Variants in OXNAD1 observed in about 807,000 individuals in gnomAD.
OXNAD1 encodes the protein oxidoreductase NAD binding domain containing 1, also known as oxidoreductase NAD-binding domain-containing protein 1.
OXNAD1 carries 34 observed loss-of-function variants against 32.9 expected under a neutral mutation model. The observed-to-expected ratio is 1.03, with a 90% CI of 0.79 to 1.38. The LOEUF (loss-of-function observed/expected upper bound fraction) is 1.38, where lower values mean the gene tolerates loss of function less well. OXNAD1 is among the 40% of genes most tolerant of loss of function. The pLI is 0.00. For synonymous variants in OXNAD1, 134 were observed against 135.2 expected, an observed-to-expected ratio of 0.99 and a Z score of 0.06; for missense variants, 407 against 379.4, an observed-to-expected ratio of 1.07 and a Z score of -0.60.
Position 16,312,927 on chromosome 3 carries a change from TTATAAA to T in OXNAD1, c.*30+9339_*30+9344del, listed in dbSNP as rs1372956738. ...AACCATTGATAAATAATTTAAGACT[TTATAAA>T]TATTATTACAGTATTTCTGTTAAGA... On this transcript the variant is annotated intron_variant, in intron 9 of 9. Transcript: ENST00000435829. The surrounding 1 kb of genome is among the most constrained non-coding windows in gnomAD (Gnocchi z 4.7). Among the ~76,000 whole-genome samples, 2 of 152,196 alleles carry T rather than the reference TTATAAA, an allele frequency of 1.3e-5. 1 individual carries two copies.
At chr3:16,296,885 T>C (rs544045408) in intron 6 of OXNAD1, among the ~76,000 whole-genome samples, 1 of 152,226 alleles carries the variant, frequency 6.6e-6, no homozygotes, top group East Asian at 1.9e-4. Flanking sequence ...TAAAACATGG[T>C]ACTATAAAAG....
In OXNAD1 at chr3:16,315,336, G is replaced by A. The variant is rs563152087; in HGVS notation, c.*30+11744G>A. ...TCACCACGTTGGCCAGGCTGGTCTC[G>A]AACTCCTGACCTCAGGTGATCAGCC... On this transcript the variant is annotated intron_variant, in intron 9 of 9. Coordinates refer to the OXNAD1 transcript ENST00000435829. Among the ~76,000 whole-genome samples the A allele has an allele frequency of 7.9e-5, 12 of 152,202 alleles. No individual in the cohort carries two copies. The South Asian group carries it at 1.9e-3, about 24-fold the overall frequency.
chr3:16,331,974 A>ATC (rs1468219485), intron 9 of OXNAD1, among the ~76,000 whole-genome samples: 1 of 152,236 alleles, frequency 6.6e-6, no homozygotes, highest in Non-Finnish European at 1.5e-5. Flanking sequence ...TGCTATTGAG[A>ATC]TAATCTATTC....
chr3:16,319,438 A>G (rs186345666), intron 9 of OXNAD1, among the ~76,000 whole-genome samples: 1 of 152,214 alleles, frequency 6.6e-6, no homozygotes, highest in African/African-American at 2.4e-5. Context: ...ACTCATCTCT[A>G]AAATGGTTGT....
chr3:16,295,034 T>A lies in OXNAD1; in HGVS notation c.432+37T>A. On this transcript the variant is annotated intron_variant, in intron 6 of 8. Transcript: ENST00000285083. ...GCCTGTTTAAACGCGATGATCTGGG[T>A]ATCTCTGCCACCCACAAAATTTGTG... The A allele has an allele frequency of 5.7e-6, 9 of 1,567,180 alleles. No homozygotes were observed. In the African/African-American group the frequency reaches 6.8e-5, roughly 12 times the overall value.
At chr3:16,273,102 T>C (rs2065070053) in intron 4 of OXNAD1, among the ~76,000 whole-genome samples, 1 of 152,234 alleles carries the variant, frequency 6.6e-6, no homozygotes, top group Non-Finnish European at 1.5e-5. Context: ...TGCTAGTCCC[T>C]GAATTAGAGT....
At chr3:16,308,443 G>A, downstream of OXNAD1, among the ~76,000 whole-genome samples, 1 of 152,006 alleles carries the variant, frequency 6.6e-6, no homozygotes, top group Non-Finnish European at 1.5e-5. The surrounding 1 kb of genome is among the most constrained non-coding windows in gnomAD (Gnocchi z 4.4). Context: ...GGCATGTCTT[G>A]TTGCTCCTAT....
rs1304505302 is a variant in OXNAD1, at chr3:16,277,227, C to T, written c.183+5505C>T. On this transcript the variant is annotated intron_variant, in intron 4 of 8. Transcript: ENST00000285083. This position sits in a 1 kb window ranked among gnomAD's most constrained non-coding sequence, Gnocchi z 4.3. ...CAGGCATGAGCCACAGCTCCTGGCC[C>T]TCCTCTTCTGTTTCTAATTTCCCCT... Among the ~76,000 whole-genome samples the T allele has an allele frequency of 2.6e-5, 4 of 152,118 alleles. No individual in the cohort carries two copies. Among genetic ancestry groups the T allele is most frequent in the Non-Finnish European group, 5.9e-5 (4 of 68,020 alleles).
At chr3:16,323,462 AAC>A in intron 9 of OXNAD1, 1 of 1,609,008 alleles carries the variant, frequency 6.2e-7, no homozygotes, top group Non-Finnish European at 8.5e-7. Flanking sequence ...CCCTCGCTGT[AAC>A]ACACGGAGCT....
chr3:16,333,931 C>T (rs377404216), intron 9 of OXNAD1, among the ~76,000 whole-genome samples: 23 of 151,858 alleles, frequency 1.5e-4, no homozygotes, highest in African/African-American at 4.8e-4. Flanking sequence ...TTTGGGAGGC[C>T]GACGCGGGTA....
chr3:16,316,369 C>T lies in OXNAD1; in HGVS notation c.*30+12777C>T, dbSNP rs367603780. ...GTGGAGGAGGGCAGCTGACAGGGCT[C>T]CTGGAGTTGTTAAGTCACCAAGTAG... is the stretch of plus-strand genomic sequence containing the variant. On this transcript the variant is annotated intron_variant, in intron 9 of 9. Coordinates refer to the OXNAD1 transcript ENST00000435829. The surrounding 1 kb of genome is among the most constrained non-coding windows in gnomAD (Gnocchi z 4.5). 2 of 194,432 alleles carry T rather than the reference C, an allele frequency of 1.0e-5. No individual in the cohort carries two copies. Among genetic ancestry groups the T allele is most frequent in the East Asian group, 1.8e-4 (1 of 5,490 alleles). 12.0% of individuals were successfully genotyped at this position (194,432 alleles called of 1,614,324 possible).
downstream of OXNAD1, among the ~76,000 whole-genome samples, chr3:16,308,312 T>C (rs559251002): frequency 4.6e-5 from 7 of 152,196 alleles, no homozygotes; most frequent in South Asian, 1.2e-3. This position sits in a 1 kb window ranked among gnomAD's most constrained non-coding sequence, Gnocchi z 4.4. Context: ...TGATGGATCT[T>C]AGGGGCCCAG....
chr3:16,323,325 A>C, intron 9 of OXNAD1: 1 of 1,347,976 alleles, frequency 7.4e-7, no homozygotes, highest in Non-Finnish European at 1.1e-6. Context: ...AAATCCACTG[A>C]AGATGAAGCC....
downstream of OXNAD1, among the ~76,000 whole-genome samples, chr3:16,341,227 A>G (rs1033648739): frequency 6.6e-6 from 1 of 152,246 alleles, no homozygotes; most frequent in African/African-American, 2.4e-5. The surrounding 1 kb of genome is among the most constrained non-coding windows in gnomAD (Gnocchi z 4.7). Flanking sequence ...TAGTACAGCC[A>G]CTACAGAAGA....
rs967619031 is a variant in OXNAD1, at chr3:16,277,774, G to A, written c.183+6052G>A. On this transcript the variant is annotated intron_variant, in intron 4 of 8. Transcript: ENST00000285083. The surrounding 1 kb of genome is among the most constrained non-coding windows in gnomAD (Gnocchi z 4.3). Reference sequence around the variant, plus strand: ...CTGAATGACCATTTATGATGTTTATGCTTCTTACTTGGGACTGTAACTGTA... The same window carrying A: ...CTGAATGACCATTTATGATGTTTATACTTCTTACTTGGGACTGTAACTGTA... Among the ~76,000 whole-genome samples the A allele has an allele frequency of 5.9e-5, 9 of 152,228 alleles. No individual in the cohort carries two copies. The highest frequency in any genetic ancestry group is 2.2e-4 in the African/African-American group (9 of 41,454).
chr3:16,278,445 A>G (rs541190411), intron 4 of OXNAD1, among the ~76,000 whole-genome samples: 1 of 152,314 alleles, frequency 6.6e-6, no homozygotes, highest in South Asian at 2.1e-4. Flanking sequence ...TATTTCACAG[A>G]TGAGGGGATT....
In OXNAD1 at chr3:16,344,977, C is replaced by T. The variant is rs1559842122; in HGVS notation, c.*31-4199C>T. On this transcript the variant is annotated intron_variant, in intron 9 of 9. Coordinates refer to the OXNAD1 transcript ENST00000606098. The surrounding 1 kb of genome is among the most constrained non-coding windows in gnomAD (Gnocchi z 4.4). ...GCTCTCAAACTATGCATTTTAAGCTCTTTTAGGGGGCCACATGGAAAGCAT... is the reference window on the plus strand; with the variant it reads ...GCTCTCAAACTATGCATTTTAAGCTTTTTTAGGGGGCCACATGGAAAGCAT... The T allele has an allele frequency of 6.6e-6, 1 of 152,182 alleles. No individual in the cohort carries two copies. Among genetic ancestry groups the T allele is most frequent in the Non-Finnish European group, 1.5e-5 (1 of 68,028 alleles). The allele number at this position is 152,182 out of a possible 1,614,324, so 9.4% of individuals were successfully genotyped here. A position where few individuals can be genotyped will look rare whatever the true frequency, so the allele number is the denominator to read the frequency against.
rs2065929999 is a variant in OXNAD1 at position 16,284,192 on chromosome 3, TCA to T, written c.184-2149_184-2148del. On this transcript the variant is annotated intron_variant, in intron 4 of 8. Transcript: ENST00000285083. The surrounding 1 kb of genome is among the most constrained non-coding windows in gnomAD (Gnocchi z 4.1). The stretch of plus-strand genomic sequence containing the variant: ...GAGCAGTCTCTGAGATGTTCAGTGC[TCA>T]GTCTTTAAGGCCCTGGTGCAAAAGC... 6.6e-6 allele frequency among the ~76,000 whole-genome samples: 1 copy of T among 152,248 alleles called. No homozygotes were observed.
rs2071676053 is a variant in OXNAD1, at chr3:16,345,848, GCATGTGTA to G, written c.*31-3327_*31-3320del. On this transcript the variant is annotated intron_variant, in intron 9 of 9. Coordinates refer to the OXNAD1 transcript ENST00000606098. This position sits in a 1 kb window ranked among gnomAD's most constrained non-coding sequence, Gnocchi z 5.2. ...CGCGCGTGCGCGCACGCGCACATGT[GCATGTGTA>G]TGTGTATAATCTCCTACTGGTTCTG... Among the ~76,000 whole-genome samples the G allele has an allele frequency of 1.2e-5, 1 of 83,186 alleles. No homozygotes were observed. The highest frequency in any genetic ancestry group is 6.4e-5 in the African/African-American group (1 of 15,744). The allele number at this position is 83,186 out of a possible 152,430, so 54.6% of individuals were successfully genotyped here. A position where few individuals can be genotyped will look rare whatever the true frequency, so the allele number is the denominator to read the frequency against.
Sources: gnomAD v4.1 joint callset for allele counts (sites outside exome capture counted in the v4.1 genomes callset) on GRCh38, gnomAD v4.1.1 for gene constraint, Gnocchi (gnomAD v3.1) non-coding constraint, MANE v1.5 for transcripts, NCBI Gene and HGNC (gene_info 2026-07-23, HGNC 2026-07-21) for gene names.